Variants in UBE3A observed in about 807,000 individuals in gnomAD.
UBE3A encodes ubiquitin protein ligase E3A.
A neutral mutation model predicts 83.4 loss-of-function variants in UBE3A; 6 were observed. That is an observed-to-expected ratio of 0.07 (90% CI 0.04 to 0.14). The LOEUF (loss-of-function observed/expected upper bound fraction) is 0.14. Ranked by LOEUF, UBE3A falls within the 10% of genes least tolerant of loss-of-function variation. UBE3A has a pLI of 1.00. For synonymous variants in UBE3A, 337 were observed against 355.4 expected, an observed-to-expected ratio of 0.95 and a Z score of 0.58; for missense variants, 456 against 1,036.1, an observed-to-expected ratio of 0.44 and a Z score of 7.69.
chr15:25,356,605 A>G (rs2077246833), intron 8 of UBE3A, 86 bp downstream of exon 8: 3 of 1,370,264 alleles, frequency 2.2e-6, no homozygotes, highest in Non-Finnish European at 3.1e-6. Context: ...ATTCTAAACA[A>G]AAACTTTAAA....
chr15:25,367,840 TA>T (rs2079576890), intron 6 of UBE3A, among the ~76,000 whole-genome samples: 1 of 152,098 alleles, frequency 6.6e-6, no homozygotes, highest in Non-Finnish European at 1.5e-5. Flanking sequence ...TTTTCTTTTT[TA>T]AAAAAATCCA....
At position 25,338,989 on chromosome 15, in the gene UBE3A, TG is replaced by T; in HGVS notation, c.*147del. 1.2e-6 allele frequency: 1 copy of T among 810,216 alleles called. No individual in the cohort carries two copies. The allele number at this position is 810,216 out of a possible 1,614,324, so 50.2% of individuals were successfully genotyped here. On this transcript the variant is annotated 3_prime_UTR_variant, in exon 13 of 13. Transcript: ENST00000648336. ...TAAAGAAGGGAGGCACAGACATAGG[TG>T]ACTACTGTGGTTGACTATCTTACAG... is the stretch of plus-strand genomic sequence containing the variant.
At chr15:25,360,872 G>C (rs1301328757) in intron 6 of UBE3A, among the ~76,000 whole-genome samples, 1 of 152,158 alleles carries the variant, frequency 6.6e-6, no homozygotes, top group Non-Finnish European at 1.5e-5. Flanking sequence ...AAAAACAATG[G>C]AGTAGAGGTC....
At position 25,370,869 on chromosome 15, in the gene UBE3A, A is replaced by G. The variant is rs587783102; in HGVS notation, c.1305T>C (p.Asp435=). The change falls in exon 6 of 13, where the codon GAT becomes GAC. Residue 435 remains aspartate (D), a synonymous_variant. Coordinates refer to ENST00000648336, the MANE Select transcript of UBE3A (RefSeq NM_130839.5). This position sits in a 1 kb window ranked among gnomAD's most constrained non-coding sequence, Gnocchi z 4.2. ...CAAAAGGGATAAGTGGTTTTCGACAATCCAGGGTTTTAACACCAAGTTCAG... is the reference window on the plus strand; with the variant it reads ...CAAAAGGGATAAGTGGTTTTCGACAGTCCAGGGTTTTAACACCAAGTTCAG... ...LETELGVKTL[D]CRKPLIPFEE... 15 of 1,613,988 alleles carry G rather than the reference A, an allele frequency of 9.3e-6. No homozygotes were observed. The highest frequency in any genetic ancestry group is 1.3e-5 in the Non-Finnish European group (15 of 1,180,004).
intron 1 of UBE3A, among the ~76,000 whole-genome samples, chr15:25,412,438 C>T (rs181706963): frequency 6.6e-6 from 1 of 152,280 alleles, no homozygotes; most frequent in Admixed American, 6.5e-5. Context: ...TCTCCAATGT[C>T]AGGTTATTGT....
chr15:25,398,816 A>ATATATATATATATAT lies in UBE3A; in HGVS notation c.62+6644_62+6645insATATATATATATATA, dbSNP rs1567069211. On this transcript the variant is annotated intron_variant, in intron 4 of 12. Transcript: ENST00000648336. ...ATATATATATATATATATATATATA[A>ATATATATATATATAT]AAATACATATATATCCAAGTGTGAC... 3.9e-3 allele frequency among the ~76,000 whole-genome samples: 159 copies of ATATATATATATATAT among 40,696 alleles called. 3 individuals carry two copies. Among genetic ancestry groups the ATATATATATATATAT allele is most frequent in the Non-Finnish European group, 5.9e-3 (110 of 18,692 alleles). The allele number at this position is 40,696 out of a possible 152,430, so 26.7% of individuals were successfully genotyped here. A position where few individuals can be genotyped will look rare whatever the true frequency, so the allele number is the denominator to read the frequency against.
chr15:25,339,090 CTTTTTTTTT>C lies in UBE3A; in HGVS notation c.*38_*46del. The stretch of plus-strand genomic sequence containing the variant: ...ATTTTTAAAATTTTTTAAATTTTTT[CTTTTTTTTT>C]CCTTCCTTTTTTTTGTTTTATTTTG... On this transcript the variant is annotated 3_prime_UTR_variant, in exon 13 of 13. Coordinates refer to ENST00000648336, the MANE Select transcript of UBE3A (RefSeq NM_130839.5). The C allele has an allele frequency of 6.8e-7, 1 of 1,461,892 alleles. No homozygotes were observed. Among genetic ancestry groups the C allele is most frequent in the Non-Finnish European group, 9.0e-7 (1 of 1,108,524 alleles). The allele number at this position is 1,461,892 out of a possible 1,614,324, so 90.6% of individuals were successfully genotyped here. A position where few individuals can be genotyped will look rare whatever the true frequency, so the allele number is the denominator to read the frequency against.
chr15:25,400,948 CCTTT>C (rs1371724325), intron 4 of UBE3A, among the ~76,000 whole-genome samples: 3 of 152,078 alleles, frequency 2.0e-5, no homozygotes, highest in African/African-American at 7.2e-5. Context: ...GTCAATATGG[CCTTT>C]ATTTTATAGA....
intron 6 of UBE3A, among the ~76,000 whole-genome samples, chr15:25,363,711 T>C (rs1355033941): frequency 6.6e-6 from 1 of 152,192 alleles, no homozygotes; most frequent in African/African-American, 2.4e-5. Flanking sequence ...CCTTATTCTT[T>C]TCCATATTTT....
Position 25,357,380 on chromosome 15 carries a change from G to A in UBE3A, c.1754-484C>T, listed in dbSNP as rs535973365. On this transcript the variant is annotated intron_variant, in intron 7 of 12. Transcript: ENST00000648336. ...ATTTTTTTCCTTGAGATGGAGTCTC[G>A]CTCTGTTACCCAGGGTGGGCTGGAG... The A allele has an allele frequency of 1.2e-4, 19 of 156,630 alleles. No individual in the cohort carries two copies. The East Asian group carries it at 3.2e-3, about 26-fold the overall frequency. 9.7% of individuals were successfully genotyped at this position (156,630 alleles called of 1,614,324 possible).
At chr15:25,405,670 A>G (rs2088351662) in intron 3 of UBE3A, 168 bp from the exon 4 acceptor site, 1 of 681,084 alleles carries the variant, frequency 1.5e-6, no homozygotes, top group Admixed American at 2.6e-5. Flanking sequence ...TCAGGTGGCC[A>G]TACAACACAT....
intron 1 of UBE3A, among the ~76,000 whole-genome samples, chr15:25,433,762 T>C (rs541344692): frequency 2.0e-5 from 3 of 152,266 alleles, no homozygotes; most frequent in Admixed American, 2.0e-4. Context: ...TAACGACTCA[T>C]GTACAAAGAC....
At position 25,371,316 on chromosome 15, in the gene UBE3A, G is replaced by A. The variant is rs61740972; in HGVS notation, c.858C>T (p.Ile286=). The change falls in exon 6 of 13, where the codon ATC becomes ATT. Residue 286 remains isoleucine, a synonymous_variant. Coordinates refer to ENST00000648336, the MANE Select transcript of UBE3A (RefSeq NM_130839.5). The surrounding 1 kb of genome is among the most constrained non-coding windows in gnomAD (Gnocchi z 5.3). ...TGTGGAGATTTCTATTCTCCATTAC[G>A]ATAATGAACAAATTCAGATAATTAG... ...RDPNYLNLFI[I]VMENRNLHSP... The A allele has an allele frequency of 4.0e-5, 64 of 1,614,072 alleles. No homozygotes were observed. The highest frequency in any genetic ancestry group is 1.6e-4 in the South Asian group (15 of 91,072).
At chr15:25,347,610 G>C (rs2075883879) in intron 11 of UBE3A, among the ~76,000 whole-genome samples, 1 of 152,202 alleles carries the variant, frequency 6.6e-6, no homozygotes, top group South Asian at 2.1e-4. Flanking sequence ...TGAGGCGGGA[G>C]GATTGCTTGA....
chr15:25,373,829 G>C (rs910278917), intron 5 of UBE3A: 4 of 152,094 alleles, frequency 2.6e-5, no homozygotes, highest in African/African-American at 9.7e-5. Flanking sequence ...ATAAAAATTA[G>C]TCAAAAAACA....
At position 25,371,931 on chromosome 15, in the gene UBE3A, T is replaced by C. The variant is rs1261749943; in HGVS notation, c.362-119A>G. The C allele has an allele frequency of 2.0e-6, 2 of 1,022,062 alleles. No individual in the cohort carries two copies. The highest frequency in any genetic ancestry group is 2.8e-6 in the Non-Finnish European group (2 of 717,334). 63.3% of individuals were successfully genotyped at this position (1,022,062 alleles called of 1,614,324 possible). On this transcript the variant is annotated intron_variant, in intron 5 of 12. Transcript: ENST00000648336. The surrounding 1 kb of genome is among the most constrained non-coding windows in gnomAD (Gnocchi z 5.3). ...TCTAGGCTCAATATCATTTATGATA[T>C]ACAACTCTTAAAGTATCTAATACTT... is the stretch of plus-strand genomic sequence containing the variant.
At chr15:25,408,384 C>T (rs2153067690) in intron 3 of UBE3A, 3 of 599,358 alleles carry the variant, frequency 5.0e-6, no homozygotes, top group Non-Finnish European at 8.8e-6. Flanking sequence ...AAACATATAA[C>T]CAAAGGGAAA....
intron 1 of UBE3A, among the ~76,000 whole-genome samples, chr15:25,428,203 A>C (rs949036005): frequency 6.6e-6 from 1 of 152,198 alleles, no homozygotes; most frequent in Non-Finnish European, 1.5e-5. Flanking sequence ...AAAAGATGGT[A>C]AATTATGTAT....
In UBE3A at chr15:25,438,995, C is replaced by G. The variant is rs1008088375; in HGVS notation, c.-671G>C. On this transcript the variant is annotated 5_prime_UTR_variant, in exon 1 of 13. Coordinates refer to ENST00000648336, the MANE Select transcript of UBE3A (RefSeq NM_130839.5). ...CCACCATCTTGGGAGACACACGGATCTCGCGGCCGCGGCGCAAGACGGGAG... is the reference window on the plus strand; with the variant it reads ...CCACCATCTTGGGAGACACACGGATGTCGCGGCCGCGGCGCAAGACGGGAG... The G allele has an allele frequency of 1.3e-5, 2 of 152,122 alleles. No homozygotes were observed. 9.4% of individuals were successfully genotyped at this position (152,122 alleles called of 1,614,324 possible).
Sources: gnomAD v4.1 joint callset for allele counts (sites outside exome capture counted in the v4.1 genomes callset) on GRCh38, gnomAD v4.1.1 for gene constraint, Gnocchi (gnomAD v3.1) non-coding constraint, MANE v1.5 for transcripts, NCBI Gene and HGNC (gene_info 2026-07-23, HGNC 2026-07-21) for gene names.